RNF157: variants seen among roughly 807,000 people sequenced by gnomAD.
The protein encoded by RNF157 is E3 ubiquitin ligase RNF157.
In RNF157, 55 loss-of-function variants were observed where a neutral mutation model predicts 88.3. The observed-to-expected ratio is 0.62, with a 90% confidence interval of 0.50 to 0.78. The LOEUF is 0.78. Ranked by LOEUF, RNF157 falls within the 30% of genes least tolerant of loss-of-function variation. The pLI is 0.00. For missense variants in RNF157, 788 were observed against 860.8 expected, an observed-to-expected ratio of 0.92 and a Z score of 1.06; for synonymous variants, 334 against 341.2, an observed-to-expected ratio of 0.98 and a Z score of 0.23.
intron 2 of RNF157, among the ~76,000 whole-genome samples, chr17:76,205,331 G>C (rs920198223): frequency 6.6e-6 from 1 of 150,806 alleles, no homozygotes; most frequent in Middle Eastern, 3.2e-3. Flanking sequence ...TCGGGGTTTT[G>C]CTATGTTGCC....
rs930180051 is a variant in RNF157, at chr17:76,173,617, G to A, written c.296+85C>T. The A allele has an allele frequency of 6.0e-5, 62 of 1,027,236 alleles. No homozygotes were observed. The African/African-American group carries it at 9.1e-4, about 15-fold the overall frequency. 63.6% of individuals were successfully genotyped at this position (1,027,236 alleles called of 1,614,324 possible). On this transcript the variant is annotated intron_variant, in intron 3 of 18. Coordinates refer to ENST00000269391, the MANE Select transcript of RNF157 (RefSeq NM_052916.3). ...CTGGGGCTGCCGGAAACTGCTGTAT[G>A]AGTTCCTTGGGAAGTCTGTCCCCCA... is the stretch of plus-strand genomic sequence containing the variant.
In RNF157 at chr17:76,161,064, C is replaced by T. The variant is rs2068838286; in HGVS notation, c.1065+471G>A. ...GACAGTATCTGCTGCTCTCTAACTG[C>T]AAAGCTTTGAGGTTTCACCCTAATA... On this transcript the variant is annotated intron_variant, in intron 11 of 18. Coordinates refer to ENST00000269391, the MANE Select transcript of RNF157 (RefSeq NM_052916.3). This position sits in a 1 kb window ranked among gnomAD's most constrained non-coding sequence, Gnocchi z 4.6. Among the ~76,000 whole-genome samples the T allele has an allele frequency of 6.6e-6, 1 of 152,200 alleles. No homozygotes were observed. The highest frequency in any genetic ancestry group is 1.5e-5 in the Non-Finnish European group (1 of 68,042).
At chr17:76,145,927 C>T (rs2068578772) in intron 18 of RNF157, among the ~76,000 whole-genome samples, 1 of 152,154 alleles carries the variant, frequency 6.6e-6, no homozygotes, top group Admixed American at 6.5e-5. Context: ...TCTCCTCCTG[C>T]ACCTACGCAG....
rs2068782752 is a variant in RNF157, at chr17:76,157,343, C to A, written c.1414-1022G>T. Reference sequence around the variant, plus strand: ...TGTCTCCCGTCTAGTCCAGGCTGCACACTGCGGTCGGGTGGGCCTTTGGGG... The same window carrying A: ...TGTCTCCCGTCTAGTCCAGGCTGCAAACTGCGGTCGGGTGGGCCTTTGGGG... On this transcript the variant is annotated intron_variant, in intron 13 of 18. Transcript: ENST00000269391. This position sits in a 1 kb window ranked among gnomAD's most constrained non-coding sequence, Gnocchi z 5.6. Among the ~76,000 whole-genome samples, 1 of 152,224 alleles carries A rather than the reference C, an allele frequency of 6.6e-6. No individual in the cohort carries two copies. The highest frequency in any genetic ancestry group is 2.1e-4 in the South Asian group (1 of 4,832).
intron 1 of RNF157, among the ~76,000 whole-genome samples, chr17:76,216,814 C>A (rs980037047): frequency 6.6e-6 from 1 of 151,880 alleles, no homozygotes; most frequent in Non-Finnish European, 1.5e-5. Context: ...TCACTTGAGC[C>A]CAGGAGGTCA....
intron 1 of RNF157, among the ~76,000 whole-genome samples, chr17:76,222,337 A>AC (rs1463507574): frequency 1.4e-5 from 2 of 140,628 alleles, no homozygotes; most frequent in East Asian, 4.1e-4. Flanking sequence ...ACAGAGCAAG[A>AC]CCCCGTCTCA....
In RNF157 at chr17:76,172,633, A is replaced by ATAT. The variant is rs2069035076; in HGVS notation, c.296+1068_296+1069insATA. 4.2e-5 allele frequency among the ~76,000 whole-genome samples: 6 copies of ATAT among 144,140 alleles called. No individual in the cohort carries two copies. In the South Asian group the frequency reaches 1.2e-3, roughly 28 times the overall value. 94.6% of individuals were successfully genotyped at this position (144,140 alleles called of 152,430 possible). On this transcript the variant is annotated intron_variant, in intron 3 of 18. Coordinates refer to ENST00000269391, the MANE Select transcript of RNF157 (RefSeq NM_052916.3). ...AAAAAAAAAAAAAAAAAAAAAAAAA[A>ATAT]GGCGAGACTCTGTCTCAAATATATA...
chr17:76,209,191 G>A (rs886827149), intron 2 of RNF157, among the ~76,000 whole-genome samples: 10 of 152,082 alleles, frequency 6.6e-5, no homozygotes, highest in Non-Finnish European at 1.5e-4. Flanking sequence ...TCAGCCTCCT[G>A]AGTAGCTGGG....
At chr17:76,189,432 G>A (rs1315105477) in intron 2 of RNF157, among the ~76,000 whole-genome samples, 1 of 152,160 alleles carries the variant, frequency 6.6e-6, no homozygotes, top group Non-Finnish European at 1.5e-5. Flanking sequence ...TGCTGGTTAC[G>A]GTGACTTTAG....
At chr17:76,172,312 C>T (rs1021152370) in intron 3 of RNF157, among the ~76,000 whole-genome samples, 7 of 151,878 alleles carry the variant, frequency 4.6e-5, no homozygotes, top group Admixed American at 2.0e-4. Flanking sequence ...AGACTCTGGG[C>T]CAGGTGCGGT....
chr17:76,149,460 G>A lies in RNF157; in HGVS notation c.1921+2895C>T, dbSNP rs73345584. 4.9e-3 allele frequency among the ~76,000 whole-genome samples: 739 copies of A among 152,070 alleles called. 5 individuals carry two copies. The highest frequency in any genetic ancestry group is 0.017 in the African/African-American group (709 of 41,470). On this transcript the variant is annotated intron_variant, in intron 18 of 18. Transcript: ENST00000269391. Reference sequence around the variant, plus strand: ...CACAGGAGCAATGAGGCGCCAAGACGGCCAGTGGTATCTCAGCCCCAGGAT... The same window carrying A: ...CACAGGAGCAATGAGGCGCCAAGACAGCCAGTGGTATCTCAGCCCCAGGAT...
At chr17:76,196,235 A>G (rs2069475380) in intron 2 of RNF157, among the ~76,000 whole-genome samples, 1 of 152,196 alleles carries the variant, frequency 6.6e-6, no homozygotes, top group Non-Finnish European at 1.5e-5. Flanking sequence ...CCATGAGATA[A>G]ATAAATGTCA....
chr17:76,148,952 G>T (rs1043284835), intron 18 of RNF157, among the ~76,000 whole-genome samples: 1 of 152,146 alleles, frequency 6.6e-6, no homozygotes, highest in Non-Finnish European at 1.5e-5. Flanking sequence ...TGCCACCTAT[G>T]TAACAGTCTG....
At position 76,240,187 on chromosome 17, in the gene RNF157, C is replaced by T. The variant is rs771634235; in HGVS notation, c.54G>A (p.Pro18=). 1.6e-5 allele frequency: 22 copies of T among 1,408,598 alleles called. No individual in the cohort carries two copies. Among genetic ancestry groups the T allele is most frequent in the South Asian group, 1.2e-4 (7 of 59,388 alleles). The allele number at this position is 1,408,598 out of a possible 1,614,324, so 87.3% of individuals were successfully genotyped here. The change falls in exon 1 of 19, where the codon CCG becomes CCA. Residue 18 remains proline, a synonymous_variant. Transcript: ENST00000269391. This position sits in a 1 kb window ranked among gnomAD's most constrained non-coding sequence, Gnocchi z 4.4. The stretch of plus-strand genomic sequence containing the variant: ...GCGGGTAGCGGTACACGGAATTAGA[C>T]GGGATGTCCACCTCCTCCACGCCCG... ...QHAGVEEVDI[P]SNSVYRYPPK...
chr17:76,158,330 A>C (rs2068796028), intron 13 of RNF157, 63 bp downstream of exon 13: 1 of 1,058,230 alleles, frequency 9.4e-7, no homozygotes, highest in African/African-American at 1.6e-5. Flanking sequence ...CTGATGAGGC[A>C]TGCAGGTAGG....
chr17:76,229,031 T>C (rs1471158078), intron 1 of RNF157, among the ~76,000 whole-genome samples: 1 of 152,120 alleles, frequency 6.6e-6, no homozygotes, highest in Non-Finnish European at 1.5e-5. Flanking sequence ...TCCTCAAATA[T>C]TTACAATAGT....
intron 1 of RNF157, among the ~76,000 whole-genome samples, chr17:76,237,088 T>C (rs1200075141): frequency 6.6e-6 from 1 of 152,206 alleles, no homozygotes; most frequent in Non-Finnish European, 1.5e-5. Context: ...CAAAAATAAA[T>C]AATTCTAAAT....
At chr17:76,170,238 G>T (rs1448290895) in intron 3 of RNF157, among the ~76,000 whole-genome samples, 1 of 152,030 alleles carries the variant, frequency 6.6e-6, no homozygotes, top group Admixed American at 6.6e-5. Flanking sequence ...CTCACCTGCT[G>T]TTTTGTTTTG....
At chr17:76,175,860 G>T in intron 2 of RNF157, 1 of 833,932 alleles carries the variant, frequency 1.2e-6, no homozygotes. Flanking sequence ...AAAAATCCTG[G>T]CACTCTTTAT....
Sources: gnomAD v4.1 joint callset for allele counts (sites outside exome capture counted in the v4.1 genomes callset) on GRCh38, gnomAD v4.1.1 for gene constraint, Gnocchi (gnomAD v3.1) non-coding constraint, MANE v1.5 for transcripts, NCBI Gene and HGNC (gene_info 2026-07-23, HGNC 2026-07-21) for gene names.